GPATCH8: variants seen among roughly 807,000 people sequenced by gnomAD.
GPATCH8 encodes the protein G patch domain-containing protein 8.
A neutral mutation model predicts 118.3 loss-of-function variants in GPATCH8; 18 were observed. The observed-to-expected ratio is 0.15, with a 90% CI of 0.11 to 0.23. GPATCH8 has a LOEUF of 0.23. Among genes scored for constraint, GPATCH8 ranks in the 10% least tolerant of loss-of-function variants. The pLI is 1.00. For missense variants in GPATCH8, 1,631 were observed against 1,873.8 expected (o/e 0.87, Z 2.39); for synonymous variants, 659 against 684.7 (o/e 0.96, Z 0.59).
At chr17:44,420,894 C>T (rs2049873813) in intron 6 of GPATCH8, among the ~76,000 whole-genome samples, 1 of 152,116 alleles carries the variant, frequency 6.6e-6, no homozygotes, top group Non-Finnish European at 1.5e-5. Context: ...GAGTCTTGCT[C>T]TGTCACTTAG....
chr17:44,502,320 C>G (rs914543742), intron 1 of GPATCH8, among the ~76,000 whole-genome samples: 3 of 151,436 alleles, frequency 2.0e-5, no homozygotes, highest in African/African-American at 7.3e-5. Flanking sequence ...TCATCCCGAC[C>G]CAAATTGCAG....
At chr17:44,436,341 AT>A (rs1313473483) in intron 4 of GPATCH8, 136 bp downstream of exon 4, 6 of 683,374 alleles carry the variant, frequency 8.8e-6, no homozygotes, top group South Asian at 4.7e-5. Context: ...TGTAAAATAT[AT>A]TTTTTAGTCA....
At position 44,426,458 on chromosome 17, in the gene GPATCH8, G is replaced by C. The variant is rs979629457; in HGVS notation, c.349-1966C>G. Among the ~76,000 whole-genome samples the C allele has an allele frequency of 3.3e-5, 5 of 152,042 alleles. No homozygotes were observed. In the South Asian group the frequency reaches 1.0e-3, roughly 32 times the overall value. On this transcript the variant is annotated intron_variant, in intron 5 of 7. Transcript: ENST00000591680. ...GCTCTACCAAAAATACAAAACATTA[G>C]CTGAGCATGGTGTCACTTGCCTTTG...
chr17:44,463,567 G>C (rs1825389489), intron 3 of GPATCH8, among the ~76,000 whole-genome samples: 1 of 152,134 alleles, frequency 6.6e-6, no homozygotes, highest in Non-Finnish European at 1.5e-5. Flanking sequence ...ATTTTTAGTA[G>C]AGATGGGGTT....
chr17:44,474,597 AT>A, intron 2 of GPATCH8: 1 of 617,254 alleles, frequency 1.6e-6, no homozygotes, highest in Non-Finnish European at 2.9e-6. Context: ...CCAAAAAGAT[AT>A]TTTTCCATTG....
At chr17:44,440,452 G>A (rs950021764) in intron 3 of GPATCH8, among the ~76,000 whole-genome samples, 12 of 152,188 alleles carry the variant, frequency 7.9e-5, no homozygotes, top group African/African-American at 2.9e-4. Flanking sequence ...CAGGGTCGCT[G>A]AGGCTGGAGT....
At chr17:44,426,627 C>T (rs1381395479) in intron 5 of GPATCH8, among the ~76,000 whole-genome samples, 8 of 126,152 alleles carry the variant, frequency 6.3e-5, no homozygotes, top group Non-Finnish European at 1.7e-5. Context: ...AAAAAAAAGG[C>T]TATCAGCACA....
chr17:44,480,055 C>T lies in GPATCH8; in HGVS notation c.46-5152G>A, dbSNP rs576194274. ...AAAAAAAATCAGAAACCAATGAATG[C>T]TGAACAAATCCATACCTGATTAAAA... On this transcript the variant is annotated intron_variant, in intron 1 of 7. Coordinates refer to ENST00000591680, the MANE Select transcript of GPATCH8 (RefSeq NM_001002909.4). Among the ~76,000 whole-genome samples the T allele has an allele frequency of 4.2e-4, 64 of 151,744 alleles. 1 individual carries two copies. Among genetic ancestry groups the T allele is most frequent in the African/African-American group, 1.5e-3 (64 of 41,386 alleles).
Position 44,398,532 on chromosome 17 carries a change from G to A in GPATCH8, c.3545C>T (p.Pro1182Leu). Residue 1182 changes from proline (P) to leucine (L), a missense_variant, in exon 8 of 8, where the codon CCA becomes CTA. Around this residue, in one of 8 missense-constraint regions of GPATCH8, gnomAD observed 922 missense variants for 879.7 expected, o/e 1.05. Coordinates refer to ENST00000591680, the MANE Select transcript of GPATCH8 (RefSeq NM_001002909.4). ...CCCAAATAGGGCATCACTACTCCCT[G>A]GGGGCCCCTCTTCTGTCTCTGACTG... is the stretch of plus-strand genomic sequence containing the variant. ...QEQSETEEGP[P>L]GSSDALFGHQ... 1 of 1,593,652 alleles carries A rather than the reference G, an allele frequency of 6.3e-7. No homozygotes were observed. Among genetic ancestry groups the A allele is most frequent in the Non-Finnish European group, 8.5e-7 (1 of 1,171,300 alleles).
At chr17:44,472,288 A>C (rs1021217366) in intron 2 of GPATCH8, among the ~76,000 whole-genome samples, 1 of 152,182 alleles carries the variant, frequency 6.6e-6, no homozygotes, top group Non-Finnish European at 1.5e-5. Context: ...TTCTACTCCC[A>C]CTGAATGAGA....
In GPATCH8 at chr17:44,397,530, C is replaced by G; in HGVS notation, c.*38G>C. 1 of 1,401,410 alleles carries G rather than the reference C, an allele frequency of 7.1e-7. No individual in the cohort carries two copies. The highest frequency in any genetic ancestry group is 1.4e-5 in the African/African-American group (1 of 70,792). 86.8% of individuals were successfully genotyped at this position (1,401,410 alleles called of 1,614,324 possible). A position where few individuals can be genotyped will look rare whatever the true frequency, so the allele number is the denominator to read the frequency against. Reference sequence around the variant, plus strand: ...CACCCCCAAGGGAACATTTATGGGTCTCCTCCCCTGGCCCTACCTAGGATC... The same window carrying G: ...CACCCCCAAGGGAACATTTATGGGTGTCCTCCCCTGGCCCTACCTAGGATC... On this transcript the variant is annotated 3_prime_UTR_variant, in exon 8 of 8. Coordinates refer to ENST00000591680, the MANE Select transcript of GPATCH8 (RefSeq NM_001002909.4).
intron 3 of GPATCH8, among the ~76,000 whole-genome samples, chr17:44,443,076 G>A (rs963978150): frequency 5.9e-5 from 9 of 152,068 alleles, no homozygotes; most frequent in African/African-American, 1.4e-4. Flanking sequence ...AAACCTTGTC[G>A]AAAAAGAGAA....
intron 2 of GPATCH8, among the ~76,000 whole-genome samples, chr17:44,471,872 TAA>T (rs34968232): frequency 0.012 from 1,561 of 128,446 alleles, 19 homozygotes; most frequent in African/African-American, 0.038. Context: ...CCAAAAAAAG[TAA>T]AAAAAAAAAA....
At chr17:44,494,314 G>A (rs1341704251) in intron 1 of GPATCH8, among the ~76,000 whole-genome samples, 2 of 151,944 alleles carry the variant, frequency 1.3e-5, no homozygotes, top group Non-Finnish European at 2.9e-5. Flanking sequence ...TGGTCCGGCC[G>A]GGCACGGTGG....
chr17:44,483,720 C>T (rs1379954295), intron 1 of GPATCH8, among the ~76,000 whole-genome samples: 2 of 152,110 alleles, frequency 1.3e-5, no homozygotes, highest in Non-Finnish European at 2.9e-5. Flanking sequence ...CAACTCACTG[C>T]AACCTCTGCC....
chr17:44,408,227 A>C (rs2049303885), intron 6 of GPATCH8, among the ~76,000 whole-genome samples: 1 of 106,370 alleles, frequency 9.4e-6, no homozygotes, highest in African/African-American at 3.6e-5. Flanking sequence ...TCTGTCGCCC[A>C]GGCTGGAGTG....
At position 44,396,728 on chromosome 17, in the gene GPATCH8, T is replaced by C. The variant is rs2048792343; in HGVS notation, c.*840A>G. 1 of 447,698 alleles carries C rather than the reference T, an allele frequency of 2.2e-6. No individual in the cohort carries two copies. Among genetic ancestry groups the C allele is most frequent in the Non-Finnish European group, 4.4e-6 (1 of 225,122 alleles). 27.7% of individuals were successfully genotyped at this position (447,698 alleles called of 1,614,324 possible). A position where few individuals can be genotyped will look rare whatever the true frequency, so the allele number is the denominator to read the frequency against. On this transcript the variant is annotated 3_prime_UTR_variant, in exon 8 of 8. Coordinates refer to ENST00000591680, the MANE Select transcript of GPATCH8 (RefSeq NM_001002909.4). ...AATATGGAACCTTTTTTATATGAGC[T>C]ACAAAAAGCAGCATTTACGTTTATA...
intron 3 of GPATCH8, among the ~76,000 whole-genome samples, chr17:44,458,972 C>T (rs947789174): frequency 1.3e-5 from 2 of 152,158 alleles, no homozygotes; most frequent in African/African-American, 2.4e-5. Context: ...TCTCATTCAC[C>T]TGGAATCTAT....
At chr17:44,454,719 G>A (rs565118514) in intron 3 of GPATCH8, among the ~76,000 whole-genome samples, 23 of 152,004 alleles carry the variant, frequency 1.5e-4, no homozygotes, top group Non-Finnish European at 2.5e-4. Context: ...CACCACATCC[G>A]GTCCTTTCCT....
Sources: allele counts gnomAD v4.1 joint callset (sites outside exome capture counted in the v4.1 genomes callset), GRCh38; gene constraint gnomAD v4.1.1; regional missense constraint gnomAD v4.1.1; transcripts MANE v1.5; gene names NCBI Gene and HGNC (gene_info 2026-07-23, HGNC 2026-07-21).